SNX13: variants seen among roughly 807,000 people sequenced by gnomAD.
SNX13 encodes the protein sorting nexin 13, also known as sorting nexin-13.
In SNX13, 45 loss-of-function variants were observed where a neutral mutation model predicts 133.6. The observed-to-expected ratio is 0.34, with a 90% CI of 0.27 to 0.43. The LOEUF is 0.43. Among genes scored for constraint, SNX13 ranks in the 20% least tolerant of loss-of-function variants. The probability of loss-of-function intolerance (pLI) is 1.00; values close to 1 mark genes in which losing one functional copy is unlikely to be tolerated. For synonymous variants in SNX13, 414 were observed against 373.9 expected (o/e 1.11, Z -1.24); for missense variants, 1,032 against 1,145.1 (o/e 0.90, Z 1.43).
intron 20 of SNX13, among the ~76,000 whole-genome samples, chr7:17,809,823 A>G (rs969239867): frequency 7.9e-5 from 12 of 152,236 alleles, no homozygotes; most frequent in African/African-American, 2.9e-4. Context: ...AACTCACTCA[A>G]AACAGCACAA....
rs1389554941 is a variant in SNX13 at position 17,790,844 on chromosome 7, T to TAG, written c.*3200_*3201insCT. Reference sequence around the variant, plus strand: ...TTTAATCCTTTTAGTTGAATAAAAATAACTGACATTCTGATTGTTGTTTCT... The same window carrying TAG: ...TTTAATCCTTTTAGTTGAATAAAAATAGAACTGACATTCTGATTGTTGTTTCT... On this transcript the variant is annotated 3_prime_UTR_variant, in exon 26 of 26. Transcript: ENST00000428135. 6.6e-6 allele frequency: 1 copy of TAG among 152,062 alleles called. No homozygotes were observed. Among genetic ancestry groups the TAG allele is most frequent in the Non-Finnish European group, 1.5e-5 (1 of 67,936 alleles). 9.4% of individuals were successfully genotyped at this position (152,062 alleles called of 1,614,324 possible). A position where few individuals can be genotyped will look rare whatever the true frequency, so the allele number is the denominator to read the frequency against.
At position 17,923,206 on chromosome 7, in the gene SNX13, T is replaced by C. The variant is rs566649365; in HGVS notation, c.12+17078A>G. ...ACGTGAAAAAACATGAAATATCCTG[T>C]TTGAGAAAGCAAAACAAGAAAGTTG... On this transcript the variant is annotated intron_variant, in intron 1 of 25. Coordinates refer to ENST00000428135, the MANE Select transcript of SNX13 (RefSeq NM_015132.5). Among the ~76,000 whole-genome samples the C allele has an allele frequency of 1.1e-4, 16 of 152,296 alleles. No individual in the cohort carries two copies. In the South Asian group the frequency reaches 3.1e-3, roughly 30 times the overall value.
At chr7:17,899,754 A>AT (rs1797612112) in intron 1 of SNX13, 1 of 151,836 alleles carries the variant, frequency 6.6e-6, no homozygotes. Context: ...AACTATTCTG[A>AT]TTTTTCCACC....
chr7:17,874,790 C>G (rs1562822018), intron 7 of SNX13, among the ~76,000 whole-genome samples: 2 of 152,150 alleles, frequency 1.3e-5, no homozygotes, highest in South Asian at 4.1e-4. Context: ...TCAGCTAAAA[C>G]TTGTCTAGTG....
Position 17,891,711 on chromosome 7 carries a change from T to C in SNX13, c.229-76A>G, listed in dbSNP as rs1796650623. 9.7e-6 allele frequency: 9 copies of C among 926,400 alleles called. No individual in the cohort carries two copies. The South Asian group carries it at 1.3e-4, about 14-fold the overall frequency. The allele number at this position is 926,400 out of a possible 1,614,324, so 57.4% of individuals were successfully genotyped here. ...CTCCAGTTTAATTCCAGTTGAATAC[T>C]CAATGTAACATCCCTTCATTATCCT... On this transcript the variant is annotated intron_variant, in intron 3 of 25. Transcript: ENST00000428135.
chr7:17,923,121 C>G (rs1800312582), intron 1 of SNX13, among the ~76,000 whole-genome samples: 1 of 152,120 alleles, frequency 6.6e-6, no homozygotes, highest in Non-Finnish European at 1.5e-5. Flanking sequence ...AGGCATTACT[C>G]CTAACATTTA....
rs1166502916 is a variant in SNX13, at chr7:17,940,310, G to T, written c.-15C>A. On this transcript the variant is annotated 5_prime_UTR_variant, in exon 1 of 26. Transcript: ENST00000428135. The stretch of plus-strand genomic sequence containing the variant: ...TCAGTTAACATTATTACACCCCGGG[G>T]AAGTGAGGTCCTCCCTAGCCTCGCC... 10 of 1,565,646 alleles carry T rather than the reference G, an allele frequency of 6.4e-6. No homozygotes were observed. In the East Asian group the frequency reaches 1.9e-4, roughly 30 times the overall value.
At chr7:17,899,218 T>C (rs942780120) in intron 1 of SNX13, 2 of 152,230 alleles carry the variant, frequency 1.3e-5, no homozygotes, top group African/African-American at 4.8e-5. Context: ...TTTTTCTTTT[T>C]CTCTTGCTGC....
chr7:17,901,432 C>T (rs1797826529), intron 1 of SNX13, among the ~76,000 whole-genome samples: 1 of 151,906 alleles, frequency 6.6e-6, no homozygotes, highest in African/African-American at 2.4e-5. Context: ...TTACTTAGGA[C>T]CCCCGAGCAC....
At chr7:17,809,887 A>G (rs1785797941) in intron 20 of SNX13, among the ~76,000 whole-genome samples, 1 of 152,210 alleles carries the variant, frequency 6.6e-6, no homozygotes, top group Admixed American at 6.5e-5. Flanking sequence ...AAATAACGAA[A>G]TAAAGGTAGA....
intron 20 of SNX13, among the ~76,000 whole-genome samples, chr7:17,811,904 T>C (rs6978097): frequency 0.6 from 91,460 of 151,350 alleles, 28,947 homozygotes; most frequent in African/African-American, 0.79. Flanking sequence ...GGAAAGGATT[T>C]TCTATTTAAT....
intron 1 of SNX13, among the ~76,000 whole-genome samples, chr7:17,916,882 A>G (rs995433980): frequency 3.9e-5 from 6 of 152,168 alleles, no homozygotes; most frequent in Admixed American, 1.3e-4. Flanking sequence ...ATAGGCCAAT[A>G]TCCCTTATGA....
chr7:17,847,951 T>G (rs915895400), intron 11 of SNX13, among the ~76,000 whole-genome samples: 15 of 152,156 alleles, frequency 9.9e-5, no homozygotes, highest in African/African-American at 3.6e-4. Context: ...CACAAAATTC[T>G]AGGCAGAAAA....
At chr7:17,885,697 G>A (rs745322680) in intron 5 of SNX13, among the ~76,000 whole-genome samples, 4 of 152,056 alleles carry the variant, frequency 2.6e-5, no homozygotes, top group Admixed American at 1.3e-4. Context: ...GAGTGGCAGC[G>A]TGCACCTGTA....
chr7:17,807,533 C>T (rs1010808999), intron 20 of SNX13, among the ~76,000 whole-genome samples: 1 of 152,172 alleles, frequency 6.6e-6, no homozygotes, highest in Admixed American at 6.5e-5. Flanking sequence ...CGGTTGTGGG[C>T]GCAGTTGCAG....
At chr7:17,796,651 C>T in intron 25 of SNX13, 176 bp downstream of exon 25, 1 of 569,240 alleles carries the variant, frequency 1.8e-6, no homozygotes, top group Non-Finnish European at 3.1e-6. Flanking sequence ...CTTTACAGTA[C>T]TGTCATGAGG....
intron 22 of SNX13, among the ~76,000 whole-genome samples, chr7:17,801,024 A>ATATATATATATATATATG (rs1562652108): frequency 9.8e-4 from 16 of 16,280 alleles, no homozygotes; most frequent in African/African-American, 2.3e-3. Flanking sequence ...ATATATATAT[A>ATATATATATATATATATG]TATATATATA....
At chr7:17,818,082 T>C (rs73308132) in intron 18 of SNX13, among the ~76,000 whole-genome samples, 6,021 of 152,146 alleles carry the variant, frequency 0.04, 383 homozygotes, top group African/African-American at 0.14. Context: ...ATGCATCACA[T>C]AGAGAAATGG....
intron 20 of SNX13, 34 bp downstream of exon 20, chr7:17,814,800 G>A: frequency 6.9e-7 from 1 of 1,439,036 alleles, no homozygotes. Context: ...AACAGACCTA[G>A]AAAGAAACCC....
Sources: allele counts gnomAD v4.1 joint callset (sites outside exome capture counted in the v4.1 genomes callset), GRCh38; gene constraint gnomAD v4.1.1; transcripts MANE v1.5; gene names NCBI Gene and HGNC (gene_info 2026-07-23, HGNC 2026-07-21).